The following PINX1 variants were observed in gnomAD, a reference collection of about 807,000 sequenced individuals.
PINX1 encodes the protein PIN2 (TERF1) interacting telomerase inhibitor 1.
Under a neutral mutation model 25.4 loss-of-function variants are expected in PINX1, and 34 were observed. The observed-to-expected ratio is 1.34, with a 90% confidence interval of 1.02 to 1.78. The LOEUF is 1.78. Ranked by LOEUF, PINX1 falls within the 40% of genes most tolerant of loss-of-function variation. The pLI is 0.00. For missense variants in PINX1, 592 were observed against 404.9 expected, an observed-to-expected ratio of 1.46 and a Z score of -3.97; for synonymous variants, 197 against 147.7, an observed-to-expected ratio of 1.33 and a Z score of -2.42.
chr8:10,772,667 C>G (rs753858911), intron 6 of PINX1, among the ~76,000 whole-genome samples: 1 of 152,184 alleles, frequency 6.6e-6, no homozygotes, highest in South Asian at 2.1e-4. Flanking sequence ...GCAAGTATCA[C>G]AAGAGTCAAA....
At chr8:10,826,629 A>G (rs7829089) in intron 4 of PINX1, among the ~76,000 whole-genome samples, 65,881 of 152,086 alleles carry the variant, frequency 0.43, 16,036 homozygotes, top group African/African-American at 0.66. Context: ...TGAACAGCTG[A>G]GCAACCCCTG....
chr8:10,831,780 G>A (rs774440444), intron 3 of PINX1, 37 bp from the exon 4 acceptor site: 2 of 1,226,718 alleles, frequency 1.6e-6, no homozygotes, highest in Non-Finnish European at 1.2e-6. Context: ...AGGTAAGCCT[G>A]TAGTTTACTT....
At chr8:10,832,809 G>A (rs2292370) in intron 3 of PINX1, 83 bp downstream of exon 3, 250,959 of 747,486 alleles carry the variant, frequency 0.34, 46,740 homozygotes, top group African/African-American at 0.65. Context: ...ATGGTCAGAA[G>A]CAGATGAACC....
chr8:10,765,275 C>G lies in PINX1; in HGVS notation c.*126G>C. On this transcript the variant is annotated 3_prime_UTR_variant, in exon 7 of 7. Transcript: ENST00000314787. ...GGCGAGAGGGCAGGACTCGGCAGCCCATGGGCATGCCACAAGATGCGCCCA... is the reference window on the plus strand; with the variant it reads ...GGCGAGAGGGCAGGACTCGGCAGCCGATGGGCATGCCACAAGATGCGCCCA... 1.2e-6 allele frequency: 1 copy of G among 844,976 alleles called. No individual in the cohort carries two copies. The highest frequency in any genetic ancestry group is 1.8e-6 in the Non-Finnish European group (1 of 563,182). The allele number at this position is 844,976 out of a possible 1,614,324, so 52.3% of individuals were successfully genotyped here. A position where few individuals can be genotyped will look rare whatever the true frequency, so the allele number is the denominator to read the frequency against.
At chr8:10,820,054 C>G (rs1226037035) in intron 6 of PINX1, 139 bp downstream of exon 6, 1 of 665,008 alleles carries the variant, frequency 1.5e-6, no homozygotes, top group Non-Finnish European at 2.8e-6. Flanking sequence ...AGGATCATAT[C>G]TAGGCTGTGC....
intron 6 of PINX1, among the ~76,000 whole-genome samples, chr8:10,816,884 C>G (rs1797714730): frequency 6.6e-6 from 1 of 152,208 alleles, no homozygotes; most frequent in South Asian, 2.1e-4. Context: ...ACAATTCTCT[C>G]TGTGCCTCAG....
At chr8:10,828,033 T>A (rs1446388073) in intron 4 of PINX1, among the ~76,000 whole-genome samples, 1 of 151,896 alleles carries the variant, frequency 6.6e-6, no homozygotes, top group East Asian at 1.9e-4. Flanking sequence ...TTCAACAACA[T>A]GTGACTGCAC....
At chr8:10,817,030 C>A (rs147183386) in intron 6 of PINX1, among the ~76,000 whole-genome samples, 1 of 152,164 alleles carries the variant, frequency 6.6e-6, no homozygotes, top group Non-Finnish European at 1.5e-5. Flanking sequence ...CAGTCAGGAG[C>A]TGTAGAAATT....
At chr8:10,779,869 C>T (rs1455473547) in intron 6 of PINX1, among the ~76,000 whole-genome samples, 3 of 152,140 alleles carry the variant, frequency 2.0e-5, no homozygotes, top group Admixed American at 6.5e-5. Flanking sequence ...TAGACTGTGT[C>T]GCTAAATATC....
At chr8:10,813,160 G>A (rs1351950154) in intron 6 of PINX1, among the ~76,000 whole-genome samples, 2 of 152,114 alleles carry the variant, frequency 1.3e-5, no homozygotes, top group African/African-American at 4.8e-5. Context: ...GCTTGTTTGT[G>A]GGCTTATAGT....
rs542786928 is a variant in PINX1, at chr8:10,783,953, C to G, written c.472-18037G>C. 2.0e-5 allele frequency among the ~76,000 whole-genome samples: 3 copies of G among 152,252 alleles called. No individual in the cohort carries two copies. The East Asian group carries it at 5.8e-4, about 29-fold the overall frequency. ...ATCACTTGTAACTTCAACTCAAAGACAGCTGATTTTATTCACTAATGTTAA... is the reference window on the plus strand; with the variant it reads ...ATCACTTGTAACTTCAACTCAAAGAGAGCTGATTTTATTCACTAATGTTAA... On this transcript the variant is annotated intron_variant, in intron 6 of 6. Coordinates refer to ENST00000314787, the MANE Select transcript of PINX1 (RefSeq NM_017884.6).
chr8:10,786,162 A>C (rs1272773619), intron 6 of PINX1, among the ~76,000 whole-genome samples: 1 of 152,216 alleles, frequency 6.6e-6, no homozygotes, highest in East Asian at 1.9e-4. Flanking sequence ...AATTATTCTT[A>C]ATCATTTGTT....
rs1801020767 is a variant in PINX1, at chr8:10,765,807, T to C, written c.581A>G (p.Gln194Arg). The C allele has an allele frequency of 5.0e-6, 8 of 1,613,984 alleles. No individual in the cohort carries two copies. Among genetic ancestry groups the C allele is most frequent in the Non-Finnish European group, 6.8e-6 (8 of 1,179,894 alleles). ...KRMAALKNKP[Q>R]VPVPGSDISE... Reference sequence around the variant, plus strand: ...AATGTCAGACCCTGGAACTGGAACCTGGGGCTTGTTCTTCAGTGCTGCCAT... The same window carrying C: ...AATGTCAGACCCTGGAACTGGAACCCGGGGCTTGTTCTTCAGTGCTGCCAT... The change falls in exon 7 of 7, where the codon CAG becomes CGG. Residue 194 changes from glutamine to arginine, a missense_variant. By Grantham distance (43) the Gln-to-Arg change is conservative. Transcript: ENST00000314787.
intron 6 of PINX1, among the ~76,000 whole-genome samples, chr8:10,767,549 G>A (rs1801093264): frequency 6.6e-6 from 1 of 152,134 alleles, no homozygotes; most frequent in Non-Finnish European, 1.5e-5. Flanking sequence ...GTGATTTTGA[G>A]AAAAATAAAA....
At chr8:10,799,583 G>C (rs979383351) in intron 6 of PINX1, among the ~76,000 whole-genome samples, 7 of 152,182 alleles carry the variant, frequency 4.6e-5, no homozygotes, top group Admixed American at 6.5e-5. Context: ...GGCCTGACTG[G>C]GAGAAAGCAT....
At chr8:10,826,018 C>T (rs756637408) in intron 5 of PINX1, 134 bp downstream of exon 5, 24 of 593,770 alleles carry the variant, frequency 4.0e-5, no homozygotes, top group Middle Eastern at 5.2e-4. Context: ...AAGACTCCAG[C>T]GCTGTTTCAC....
intron 1 of PINX1, among the ~76,000 whole-genome samples, chr8:10,839,247 C>T (rs1023706874): frequency 1.3e-5 from 2 of 152,234 alleles, no homozygotes; most frequent in African/African-American, 4.8e-5. Context: ...CCTGCACTCC[C>T]TCGCTAAGTG....
At chr8:10,811,874 G>C (rs1429441720) in intron 6 of PINX1, among the ~76,000 whole-genome samples, 1 of 152,180 alleles carries the variant, frequency 6.6e-6, no homozygotes, top group Admixed American at 6.5e-5. Flanking sequence ...CAAGTTCCAG[G>C]CCCACCTGGG....
chr8:10,835,390 A>T (rs922755414), intron 1 of PINX1, among the ~76,000 whole-genome samples: 6 of 152,112 alleles, frequency 3.9e-5, no homozygotes, highest in Non-Finnish European at 7.4e-5. Context: ...CTTTAAACCA[A>T]CCTTGGTCCT....
Sources: gnomAD v4.1 joint callset for allele counts (sites outside exome capture counted in the v4.1 genomes callset) on GRCh38, gnomAD v4.1.1 for gene constraint, MANE v1.5 for transcripts, NCBI Gene and HGNC (gene_info 2026-07-23, HGNC 2026-07-21) for gene names.